Variants in SSPN observed in about 807,000 individuals in gnomAD.
The protein encoded by SSPN is K-ras oncogene-associated protein.
A neutral mutation model predicts 19.1 loss-of-function variants in SSPN; 15 were observed. The observed-to-expected ratio is 0.78, with a 90% CI of 0.52 to 1.21. The LOEUF (loss-of-function observed/expected upper bound fraction) is 1.21, where lower values mean the gene tolerates loss of function less well. SSPN is among the 50% of genes most tolerant of loss of function. The pLI, the probability that SSPN is intolerant of heterozygous loss-of-function variation, is 0.00. For synonymous variants in SSPN, 147 were observed against 140.3 expected, an observed-to-expected ratio of 1.05 and a Z score of -0.34; for missense variants, 291 against 314.0, an observed-to-expected ratio of 0.93 and a Z score of 0.55.
Position 26,197,590 on chromosome 12 carries a change from G to A in SSPN, c.279+1639G>A, listed in dbSNP as rs71452011. Reference sequence around the variant, plus strand: ...AGCTTCAAAAGCTCAGCACCAAAGAGGCAAATTAGATGGAGAAAAAACTTA... The same window carrying A: ...AGCTTCAAAAGCTCAGCACCAAAGAAGCAAATTAGATGGAGAAAAAACTTA... On this transcript the variant is annotated intron_variant, in intron 1 of 2. Coordinates refer to ENST00000242729, the MANE Select transcript of SSPN (RefSeq NM_005086.5). 5.2e-3 allele frequency among the ~76,000 whole-genome samples: 786 copies of A among 152,314 alleles called. 4 individuals are homozygous for A. The highest frequency in any genetic ancestry group is 8.7e-3 in the Non-Finnish European group (589 of 68,042).
At chr12:26,144,535 T>A (rs1944478686) in intron 1 of SSPN, among the ~76,000 whole-genome samples, 1 of 152,230 alleles carries the variant, frequency 6.6e-6, no homozygotes, top group South Asian at 2.1e-4. Flanking sequence ...ACATATACAT[T>A]CTGCGTCTCT....
chr12:26,212,348 T>C (rs1395449372), intron 1 of SSPN, among the ~76,000 whole-genome samples: 1 of 152,196 alleles, frequency 6.6e-6, no homozygotes, highest in Non-Finnish European at 1.5e-5. Flanking sequence ...GCAAGTGTCT[T>C]TTCTCTTTAG....
intron 1 of SSPN, among the ~76,000 whole-genome samples, chr12:26,209,795 CGTGTGTGTGTGTGTGTGT>C (rs56680376): frequency 1.9e-3 from 280 of 145,094 alleles, no homozygotes; most frequent in African/African-American, 6.8e-3. Context: ...ATTCTTAGAG[CGTGTGTGTGTGTGTGTGT>C]GTGTGTGTGT....
intron 1 of SSPN, among the ~76,000 whole-genome samples, chr12:26,168,626 T>C (rs1462881482): frequency 6.6e-6 from 1 of 152,226 alleles, no homozygotes; most frequent in Non-Finnish European, 1.5e-5. Context: ...CAAGAAATAA[T>C]GGAAGACATT....
At chr12:26,213,849 T>A (rs1279183311) in intron 1 of SSPN, among the ~76,000 whole-genome samples, 2 of 152,164 alleles carry the variant, frequency 1.3e-5, no homozygotes, top group Non-Finnish European at 1.5e-5. Flanking sequence ...AGGTTATCTA[T>A]CTACTTATTT....
In SSPN at chr12:26,131,223, A is replaced by G. The variant is rs1304347350; in HGVS notation, c.-31+9071A>G. ...CAATCTTCCTGTCTGCAATTGCACA[A>G]ACTTAACTAACTCCTTAAGCACATG... On this transcript the variant is annotated intron_variant, in intron 1 of 2. Coordinates refer to the SSPN transcript ENST00000538142. Among the ~76,000 whole-genome samples the G allele has an allele frequency of 2.0e-5, 3 of 152,238 alleles. No homozygotes were observed. In the South Asian group the frequency reaches 6.2e-4, roughly 32 times the overall value.
chr12:26,231,019 T>C lies in SSPN; in HGVS notation c.675T>C (p.Tyr225=), dbSNP rs375990829. 9.3e-6 allele frequency: 15 copies of C among 1,614,090 alleles called. No homozygotes were observed. The East Asian group carries it at 1.1e-4, about 12-fold the overall frequency. The change falls in exon 3 of 3, where the codon TAT becomes TAC. Residue 225 remains tyrosine (Y), a synonymous_variant. Coordinates refer to ENST00000242729, the MANE Select transcript of SSPN (RefSeq NM_005086.5). The stretch of plus-strand genomic sequence containing the variant: ...GGAAACATAGGTACCAGGTCTTCTA[T>C]GTGGGTGTCAGGATATGCTCCCTCA... ...VMWKHRYQVF[Y]VGVRICSLTA...
At chr12:26,219,974 C>A (rs1312963178) in intron 1 of SSPN, among the ~76,000 whole-genome samples, 1 of 152,152 alleles carries the variant, frequency 6.6e-6, no homozygotes, top group Non-Finnish European at 1.5e-5. Context: ...GAATGTCATT[C>A]CAGATAGGCC....
chr12:26,142,348 A>G (rs35878200), intron 1 of SSPN, among the ~76,000 whole-genome samples: 32,934 of 152,114 alleles, frequency 0.22, 3,795 homozygotes, highest in East Asian at 0.31. Flanking sequence ...AGGTTGTAGG[A>G]CAGTAACAGT....
chr12:26,174,678 A>T lies in SSPN; in HGVS notation c.-30-49615A>T, dbSNP rs527932060. Among the ~76,000 whole-genome samples, 3 of 152,002 alleles carry T rather than the reference A, an allele frequency of 2.0e-5. No homozygotes were observed. The East Asian group carries it at 5.8e-4, about 29-fold the overall frequency. On this transcript the variant is annotated intron_variant, in intron 1 of 2. Transcript: ENST00000538142. ...TAGGACTACAGGTGCATGCCACCAC[A>T]CCCGGCTCATTTTTGTATTTTTAGT...
chr12:26,151,454 C>T (rs1391165399), intron 1 of SSPN, among the ~76,000 whole-genome samples: 1 of 152,150 alleles, frequency 6.6e-6, no homozygotes, highest in East Asian at 1.9e-4. Context: ...TTAAAATCCT[C>T]AATTGGGTCC....
intron 1 of SSPN, among the ~76,000 whole-genome samples, chr12:26,176,071 G>A (rs372755643): frequency 2.6e-5 from 4 of 152,060 alleles, no homozygotes; most frequent in East Asian, 3.9e-4. Flanking sequence ...CCTTGACCTC[G>A]AGCAATCTGC....
At chr12:26,155,854 G>A (rs971332160) in intron 1 of SSPN, among the ~76,000 whole-genome samples, 1 of 152,176 alleles carries the variant, frequency 6.6e-6, no homozygotes, top group African/African-American at 2.4e-5. Context: ...CCAGTGAACA[G>A]GGCAAGTCAG....
intron 1 of SSPN, chr12:26,122,294 G>C: frequency 3.4e-6 from 4 of 1,188,300 alleles, no homozygotes; most frequent in Non-Finnish European, 4.2e-6. Context: ...CGGCGGCGGC[G>C]GCGGCAGCGG....
chr12:26,163,966 T>G (rs1264374518), intron 1 of SSPN, among the ~76,000 whole-genome samples: 1 of 152,202 alleles, frequency 6.6e-6, no homozygotes, highest in East Asian at 1.9e-4. Context: ...GACAGAGGAA[T>G]GTTCAATCAT....
intron 1 of SSPN, among the ~76,000 whole-genome samples, chr12:26,219,325 G>A (rs12423472): frequency 0.25 from 38,334 of 151,396 alleles, 5,096 homozygotes; most frequent in Admixed American, 0.37. Context: ...GACCAAAAGG[G>A]AAAAAAAATA....
chr12:26,221,918 G>A (rs1050896696), intron 1 of SSPN, among the ~76,000 whole-genome samples: 1 of 152,186 alleles, frequency 6.6e-6, no homozygotes, highest in Non-Finnish European at 1.5e-5. Flanking sequence ...AATTCTTAAT[G>A]TGAGAATAAA....
chr12:26,206,142 C>T (rs530905956), intron 1 of SSPN, among the ~76,000 whole-genome samples: 1 of 152,198 alleles, frequency 6.6e-6, no homozygotes, highest in Admixed American at 6.5e-5. Flanking sequence ...TCCTCACACA[C>T]ACATCACAAA....
chr12:26,147,016 A>G (rs549855216), intron 1 of SSPN, among the ~76,000 whole-genome samples: 2 of 152,228 alleles, frequency 1.3e-5, no homozygotes, highest in East Asian at 3.9e-4. Flanking sequence ...ATGACTGATA[A>G]CAAGGATTCG....
Sources: gnomAD v4.1 joint callset for allele counts (sites outside exome capture counted in the v4.1 genomes callset) on GRCh38, gnomAD v4.1.1 for gene constraint, MANE v1.5 for transcripts, NCBI Gene and HGNC (gene_info 2026-07-23, HGNC 2026-07-21) for gene names.